UQCC1: variants seen among roughly 807,000 people sequenced by gnomAD.
UQCC1 encodes the protein bFGF-repressed Zic-binding protein.
In UQCC1, 38 loss-of-function variants were observed where a neutral mutation model predicts 48.0. The observed-to-expected ratio is 0.79, with a 90% CI of 0.61 to 1.04. The LOEUF is 1.04. Ranked by LOEUF, UQCC1 falls within the 50% of genes least tolerant of loss-of-function variation. The pLI, the probability that UQCC1 is intolerant of heterozygous loss-of-function variation, is 0.00. For synonymous variants in UQCC1, 111 were observed against 129.2 expected (o/e 0.86, Z 0.95); for missense variants, 368 against 381.8 (o/e 0.96, Z 0.30).
chr20:35,340,883 T>C (rs369218324), intron 7 of UQCC1, among the ~76,000 whole-genome samples: 13 of 152,176 alleles, frequency 8.5e-5, no homozygotes, highest in African/African-American at 3.1e-4. Context: ...AAGGAAATTT[T>C]CAGAAAAACT....
intron 7 of UQCC1, among the ~76,000 whole-genome samples, chr20:35,342,429 T>A (rs1274225215): frequency 6.6e-6 from 1 of 152,204 alleles, no homozygotes. Context: ...ATGGAAAAAT[T>A]AAGTAAAGCG....
chr20:35,385,919 C>T (rs1030339026), intron 2 of UQCC1, among the ~76,000 whole-genome samples: 1 of 151,476 alleles, frequency 6.6e-6, no homozygotes, highest in African/African-American at 2.4e-5. Flanking sequence ...CCCACATACC[C>T]CTTCCCCCAC....
At chr20:35,346,126 C>G (rs112872294) in intron 7 of UQCC1, 3 of 152,042 alleles carry the variant, frequency 2.0e-5, no homozygotes, top group South Asian at 4.2e-4. Context: ...TGTCTAGCTA[C>G]AGGATTGTAA....
chr20:35,363,969 C>T (rs1168585698), intron 6 of UQCC1, among the ~76,000 whole-genome samples: 3 of 152,104 alleles, frequency 2.0e-5, no homozygotes, highest in South Asian at 2.1e-4. Context: ...CGCCCCTGCA[C>T]GATTCCATTA....
intron 2 of UQCC1, chr20:35,386,178 TAA>T: frequency 2.9e-6 from 1 of 349,812 alleles, no homozygotes; most frequent in Non-Finnish European, 5.5e-6. Flanking sequence ...GTTATTTTGT[TAA>T]GTTAGAATTA....
At chr20:35,320,089 A>C (rs1319279083) in intron 7 of UQCC1, among the ~76,000 whole-genome samples, 2 of 152,164 alleles carry the variant, frequency 1.3e-5, no homozygotes, top group African/African-American at 2.4e-5. Flanking sequence ...TTTCTTAGTC[A>C]TACTGCTGCC....
At chr20:35,375,532 G>A (rs2146464399) in intron 4 of UQCC1, among the ~76,000 whole-genome samples, 1 of 152,126 alleles carries the variant, frequency 6.6e-6, no homozygotes, top group Middle Eastern at 3.4e-3. Context: ...AGAAGCCCAC[G>A]TTTAAACAAA....
At chr20:35,320,279 G>A (rs1184582261) in intron 7 of UQCC1, among the ~76,000 whole-genome samples, 3 of 152,176 alleles carry the variant, frequency 2.0e-5, no homozygotes, top group Non-Finnish European at 2.9e-5. Context: ...CAATAACTGT[G>A]CTACAACTTT....
intron 6 of UQCC1, among the ~76,000 whole-genome samples, chr20:35,357,279 G>A (rs180773916): frequency 1.3e-5 from 2 of 152,298 alleles, no homozygotes; most frequent in East Asian, 3.9e-4. Flanking sequence ...CCAGCACTTT[G>A]GGAGGCTGAG....
rs200760111 is a variant in UQCC1 at position 35,314,657 on chromosome 20, G to A, written c.651+31C>T. The stretch of plus-strand genomic sequence containing the variant: ...AAAGCCTTTGCTGGGGGAGGCCACC[G>A]TCCTGCCTAAGCCTTGGCAAACAAT... On this transcript the variant is annotated intron_variant, in intron 8 of 9. Coordinates refer to ENST00000374385, the MANE Select transcript of UQCC1 (RefSeq NM_018244.5). 7.5e-5 allele frequency: 118 copies of A among 1,575,332 alleles called. No homozygotes were observed. In the African/African-American group the frequency reaches 1.2e-3, roughly 17 times the overall value.
At chr20:35,407,761 G>A (rs912303003) in intron 1 of UQCC1, among the ~76,000 whole-genome samples, 2 of 152,114 alleles carry the variant, frequency 1.3e-5, no homozygotes, top group Non-Finnish European at 2.9e-5. Context: ...GGTGGCTCAC[G>A]CCTGTAATCC....
intron 7 of UQCC1, among the ~76,000 whole-genome samples, chr20:35,327,910 G>A (rs745866189): frequency 6.6e-6 from 1 of 151,696 alleles, no homozygotes; most frequent in Non-Finnish European, 1.5e-5. Flanking sequence ...GCTGAGGCAG[G>A]AGAATTGCTT....
chr20:35,390,065 G>A (rs1462744378), intron 2 of UQCC1, among the ~76,000 whole-genome samples: 2 of 152,172 alleles, frequency 1.3e-5, no homozygotes, highest in Non-Finnish European at 2.9e-5. Flanking sequence ...AAATAAGCAT[G>A]TGCCAGTTAT....
At chr20:35,394,323 G>T in intron 1 of UQCC1, 127 bp from the exon 2 acceptor site, 1 of 801,820 alleles carries the variant, frequency 1.2e-6, no homozygotes, top group Non-Finnish European at 2.0e-6. Context: ...CTAGTTCCTG[G>T]CACAGAGCTC....
chr20:35,307,835 C>T (rs528075091), intron 8 of UQCC1, among the ~76,000 whole-genome samples: 8 of 152,210 alleles, frequency 5.3e-5, no homozygotes, highest in South Asian at 2.1e-4. Context: ...TGGCAGACAG[C>T]GGGGATACAG....
chr20:35,362,030 T>A (rs2061611283), intron 6 of UQCC1, among the ~76,000 whole-genome samples: 1 of 152,246 alleles, frequency 6.6e-6, no homozygotes, highest in Admixed American at 6.5e-5. Context: ...GGGGAGTCTC[T>A]ACAAATCTGT....
intron 8 of UQCC1, among the ~76,000 whole-genome samples, chr20:35,309,917 C>G (rs539948277): frequency 6.6e-6 from 1 of 152,210 alleles, no homozygotes. Context: ...CATCTAACAG[C>G]AGCACAGAGT....
chr20:35,349,988 G>A (rs945968949), intron 6 of UQCC1, among the ~76,000 whole-genome samples: 2 of 131,198 alleles, frequency 1.5e-5, no homozygotes, highest in Non-Finnish European at 3.3e-5. Flanking sequence ...GTGAGACCCT[G>A]TCTCAACAAA....
At position 35,303,149 on chromosome 20, in the gene UQCC1, G is replaced by C. The variant is rs1293290360; in HGVS notation, c.*786C>G. On this transcript the variant is annotated 3_prime_UTR_variant, in exon 10 of 10. Transcript: ENST00000374385. ...AAAGGGGAGGCCAAGACAGGAGACA[G>C]CATGTTCCTCATTCAGTTCACTGGG... 1.3e-5 allele frequency: 2 copies of C among 152,230 alleles called. No homozygotes were observed. The highest frequency in any genetic ancestry group is 1.9e-4 in the East Asian group (1 of 5,194). The allele number at this position is 152,230 out of a possible 1,614,324, so 9.4% of individuals were successfully genotyped here.
Sources: allele counts gnomAD v4.1 joint callset (sites outside exome capture counted in the v4.1 genomes callset), GRCh38; gene constraint gnomAD v4.1.1; transcripts MANE v1.5; gene names NCBI Gene and HGNC (gene_info 2026-07-23, HGNC 2026-07-21).